Variants in FILIP1L observed in about 807,000 individuals in gnomAD.
FILIP1L encodes the protein filamin A interacting protein 1 like.
In FILIP1L, 55 loss-of-function variants were observed where a neutral mutation model predicts 96.6. The observed-to-expected ratio is 0.57, with a 90% CI of 0.46 to 0.71. FILIP1L has a LOEUF of 0.71. FILIP1L is among the 30% of genes least tolerant of loss of function. FILIP1L has a pLI of 0.00. For synonymous variants in FILIP1L, 467 were observed against 473.9 expected, an observed-to-expected ratio of 0.99 and a Z score of 0.19; for missense variants, 1,304 against 1,321.2, an observed-to-expected ratio of 0.99 and a Z score of 0.20.
chr3:100,031,349 TG>T (rs944166236), intron 1 of FILIP1L, among the ~76,000 whole-genome samples: 1 of 152,080 alleles, frequency 6.6e-6, no homozygotes, highest in African/African-American at 2.4e-5. Flanking sequence ...CCAATAGAAA[TG>T]TTTCCAAAGT....
intron 5 of FILIP1L, among the ~76,000 whole-genome samples, chr3:99,837,560 A>C (rs185608067): frequency 2.0e-5 from 3 of 152,314 alleles, no homozygotes; most frequent in Admixed American, 1.3e-4. Context: ...GAGGGGAGAC[A>C]TAGGAGCCAA....
intron 1 of FILIP1L, among the ~76,000 whole-genome samples, chr3:100,112,951 A>T (rs2066514693): frequency 6.6e-6 from 1 of 152,230 alleles, no homozygotes; most frequent in Admixed American, 6.5e-5. Flanking sequence ...TCACAGGAAA[A>T]ACAAGTTTAA....
chr3:99,880,526 A>G (rs930587180), intron 4 of FILIP1L, among the ~76,000 whole-genome samples: 9 of 152,154 alleles, frequency 5.9e-5, no homozygotes, highest in African/African-American at 9.7e-5. Flanking sequence ...TCAGCTGACT[A>G]TGACTCTAGA....
At chr3:100,061,953 A>T (rs2065573884) in intron 1 of FILIP1L, among the ~76,000 whole-genome samples, 1 of 152,078 alleles carries the variant, frequency 6.6e-6, no homozygotes, top group Admixed American at 6.6e-5. Flanking sequence ...GAACATTCAC[A>T]TTGTTATGCA....
intron 4 of FILIP1L, among the ~76,000 whole-genome samples, chr3:99,916,437 T>TACAC (rs10529210): frequency 0.02 from 2,714 of 137,110 alleles, 30 homozygotes; most frequent in East Asian, 0.036. Context: ...TAACGGTTTA[T>TACAC]ACACACACAC....
chr3:99,877,517 CTAAAG>C (rs982585355), intron 4 of FILIP1L, among the ~76,000 whole-genome samples: 1 of 152,098 alleles, frequency 6.6e-6, no homozygotes, highest in Non-Finnish European at 1.5e-5. Context: ...ACTGAGAAAC[CTAAAG>C]TAAACTCACT....
intron 1 of FILIP1L, among the ~76,000 whole-genome samples, chr3:99,936,237 T>G (rs1265323071): frequency 6.6e-6 from 1 of 151,956 alleles, no homozygotes; most frequent in Non-Finnish European, 1.5e-5. Flanking sequence ...ACTACTCCAA[T>G]TTAGAGAAAG....
chr3:100,059,437 T>C (rs1287019301), intron 1 of FILIP1L, among the ~76,000 whole-genome samples: 1 of 152,202 alleles, frequency 6.6e-6, no homozygotes, highest in Non-Finnish European at 1.5e-5. Flanking sequence ...TTCTTCACTC[T>C]AGCCTTGCTT....
chr3:100,064,781 A>T (rs767600633), intron 1 of FILIP1L, among the ~76,000 whole-genome samples: 14 of 152,054 alleles, frequency 9.2e-5, no homozygotes, highest in Non-Finnish European at 1.9e-4. Flanking sequence ...CTACTACATG[A>T]GAGTCAATTT....
intron 1 of FILIP1L, among the ~76,000 whole-genome samples, chr3:100,081,282 G>A (rs1191692108): frequency 1.3e-5 from 2 of 152,112 alleles, no homozygotes; most frequent in Admixed American, 6.5e-5. Context: ...AATAAAAATG[G>A]AGAACAAATC....
chr3:100,018,085 T>A (rs1710397230), intron 1 of FILIP1L, among the ~76,000 whole-genome samples: 1 of 152,158 alleles, frequency 6.6e-6, no homozygotes, highest in Admixed American at 6.5e-5. Flanking sequence ...TCTCAGCACT[T>A]TGGGAGGCCG....
At chr3:99,986,447 A>G (rs1484793886) in intron 1 of FILIP1L, among the ~76,000 whole-genome samples, 1 of 152,216 alleles carries the variant, frequency 6.6e-6, no homozygotes. Context: ...TTAACAACAC[A>G]GTTTTAGACA....
chr3:100,042,066 T>G lies in FILIP1L; in HGVS notation c.-11+71987A>C, dbSNP rs149260808. ...TTTCTCTTTATTTTGCCATAAGCTC[T>G]GGATCGTAATCCATCCCTAAAACAT... On this transcript the variant is annotated intron_variant, in intron 1 of 5. Transcript: ENST00000477258. 1.5e-4 allele frequency among the ~76,000 whole-genome samples: 23 copies of G among 152,296 alleles called. No individual in the cohort carries two copies. In the East Asian group the frequency reaches 4.2e-3, roughly 28 times the overall value.
At chr3:100,043,552 C>G (rs1052822009) in intron 1 of FILIP1L, among the ~76,000 whole-genome samples, 7 of 152,136 alleles carry the variant, frequency 4.6e-5, no homozygotes, top group Non-Finnish European at 1.0e-4. Flanking sequence ...ACCATACTCC[C>G]AGACTTTATT....
At chr3:100,106,874 T>C (rs1461636769) in intron 1 of FILIP1L, among the ~76,000 whole-genome samples, 1 of 152,168 alleles carries the variant, frequency 6.6e-6, no homozygotes. Context: ...TTTAAAAATA[T>C]GCAGAAAGTT....
At chr3:100,066,398 G>C (rs550057940) in intron 1 of FILIP1L, among the ~76,000 whole-genome samples, 48 of 150,886 alleles carry the variant, frequency 3.2e-4, no homozygotes, top group Non-Finnish European at 2.9e-4. Context: ...GGATTGTTTT[G>C]TTTATGTAGG....
At chr3:99,858,547 GA>G (rs1355330629) in intron 4 of FILIP1L, among the ~76,000 whole-genome samples, 1 of 152,058 alleles carries the variant, frequency 6.6e-6, no homozygotes, top group African/African-American at 2.4e-5. Context: ...ATATTTTTAT[GA>G]AAAAATACTT....
rs774614054 is a variant in FILIP1L, at chr3:99,849,291, T to C, written c.2385A>G (p.Val795=). Residue 795 remains valine (V), a synonymous_variant, in exon 5 of 6, where the codon GTA becomes GTG. Transcript: ENST00000477258. The part of the protein sequence containing the change: ...LNGRRISDPQ[V]FSKEVQTEAV... The stretch of plus-strand genomic sequence containing the variant: ...CTTCTGTCTGAACTTCTTTAGAAAA[T>C]ACTTGAGGATCGGAAATTCTTCTTC... 9.9e-6 allele frequency: 16 copies of C among 1,614,046 alleles called. No homozygotes were observed. Among genetic ancestry groups the C allele is most frequent in the Non-Finnish European group, 1.4e-5 (16 of 1,180,034 alleles).
intron 1 of FILIP1L, among the ~76,000 whole-genome samples, chr3:100,028,227 G>A (rs1350453861): frequency 6.6e-6 from 1 of 152,140 alleles, no homozygotes; most frequent in Non-Finnish European, 1.5e-5. Flanking sequence ...TTGCAGATGA[G>A]GAAACTCAGA....
Sources: allele counts gnomAD v4.1 joint callset (sites outside exome capture counted in the v4.1 genomes callset), GRCh38; gene constraint gnomAD v4.1.1; transcripts MANE v1.5; gene names NCBI Gene and HGNC (gene_info 2026-07-23, HGNC 2026-07-21).